The following PDE6D variants were observed in gnomAD, a reference collection of about 807,000 sequenced individuals.
PDE6D encodes retinal rod rhodopsin-sensitive cGMP 3',5'-cyclic phosphodiesterase subunit delta.
A neutral mutation model predicts 21.9 loss-of-function variants in PDE6D; 10 were observed. That is an observed-to-expected ratio of 0.46 (90% CI 0.28 to 0.78). The LOEUF is 0.78. PDE6D is among the 30% of genes least tolerant of loss of function. The pLI is 0.12. For missense variants in PDE6D, 139 were observed against 184.8 expected (o/e 0.75, Z 1.44); for synonymous variants, 59 against 63.5 (o/e 0.93, Z 0.34).
At chr2:231,734,856 A>C (rs1387073031) in intron 4 of PDE6D, among the ~76,000 whole-genome samples, 1 of 127,286 alleles carries the variant, frequency 7.9e-6, no homozygotes, top group Non-Finnish European at 1.7e-5. Flanking sequence ...CAAAAAAAAA[A>C]ACAAAAAAAA....
chr2:231,780,399 G>A (rs2049100548), intron 1 of PDE6D, among the ~76,000 whole-genome samples: 1 of 152,142 alleles, frequency 6.6e-6, no homozygotes, highest in Non-Finnish European at 1.5e-5. Context: ...GGGAAGCAGT[G>A]ACCAATGCCT....
intron 1 of PDE6D, among the ~76,000 whole-genome samples, chr2:231,752,348 T>C (rs1397214626): frequency 6.6e-6 from 1 of 152,254 alleles, no homozygotes; most frequent in African/African-American, 2.4e-5. Flanking sequence ...TGAGATTTAA[T>C]TTGTAAACAA....
rs375363245 is a variant in PDE6D at position 231,778,415 on chromosome 2, A to C, written c.50+2650T>G. 9.8e-5 allele frequency among the ~76,000 whole-genome samples: 15 copies of C among 152,370 alleles called. No individual in the cohort carries two copies. In the East Asian group the frequency reaches 2.7e-3, roughly 27 times the overall value. The stretch of plus-strand genomic sequence containing the variant: ...ATGTAAAGAACATCTACAAATAAGA[A>C]AAATAAACAATAGTAAAATGGGCAA... On this transcript the variant is annotated intron_variant, in intron 1 of 4. Transcript: ENST00000287600.
intron 2 of PDE6D, among the ~76,000 whole-genome samples, chr2:231,738,786 C>T (rs908499973): frequency 2.0e-5 from 3 of 151,848 alleles, no homozygotes; most frequent in Non-Finnish European, 4.4e-5. Context: ...TGTGGTGGCG[C>T]ACGCCTGTAG....
intron 1 of PDE6D, among the ~76,000 whole-genome samples, chr2:231,775,063 C>A (rs1189487038): frequency 6.6e-6 from 1 of 151,880 alleles, no homozygotes; most frequent in African/African-American, 2.4e-5. Context: ...CAGGCGTGTG[C>A]CACCAAGTTT....
chr2:231,742,506 T>A (rs893504027), intron 1 of PDE6D, among the ~76,000 whole-genome samples: 1 of 152,210 alleles, frequency 6.6e-6, no homozygotes, highest in Admixed American at 6.5e-5. Flanking sequence ...AGGTTTTTTT[T>A]GTTTTGTTTT....
chr2:231,774,890 ATC>A (rs2049042526), intron 1 of PDE6D, among the ~76,000 whole-genome samples: 1 of 135,908 alleles, frequency 7.4e-6, no homozygotes, highest in Non-Finnish European at 1.6e-5. Flanking sequence ...TGTGCCTGGC[ATC>A]TTTTTTTTTT....
chr2:231,771,744 G>A (rs1056152707), intron 1 of PDE6D, among the ~76,000 whole-genome samples: 9 of 152,132 alleles, frequency 5.9e-5, no homozygotes, highest in African/African-American at 1.7e-4. Flanking sequence ...GAAACAAAAA[G>A]GAAACAATTG....
In PDE6D at chr2:231,781,273, C is replaced by G; in HGVS notation, c.-159G>C. The G allele has an allele frequency of 3.1e-6, 2 of 638,520 alleles. No individual in the cohort carries two copies. The highest frequency in any genetic ancestry group is 1.9e-5 in the South Asian group (1 of 52,668). The allele number at this position is 638,520 out of a possible 1,614,324, so 39.6% of individuals were successfully genotyped here. A position where few individuals can be genotyped will look rare whatever the true frequency, so the allele number is the denominator to read the frequency against. On this transcript the variant is annotated 5_prime_UTR_variant, in exon 1 of 5. Coordinates refer to ENST00000287600, the MANE Select transcript of PDE6D (RefSeq NM_002601.4). ...CCGGCCTCTCTCTCCCCTCAGCTCC[C>G]GCTTCTGATCCCTTCTCCTTCCCCC...
rs773855519 is a variant in PDE6D, at chr2:231,737,161, T to C, written c.371+26A>G. ...AATGCCTGTTTCTAGACACACTTCA[T>C]AATTTCCTGAGACCTGCTCACTCAC... is the stretch of plus-strand genomic sequence containing the variant. On this transcript the variant is annotated intron_variant, in intron 4 of 4. Coordinates refer to ENST00000287600, the MANE Select transcript of PDE6D (RefSeq NM_002601.4). The C allele has an allele frequency of 7.2e-6, 10 of 1,390,808 alleles. No individual in the cohort carries two copies. In the South Asian group the frequency reaches 1.2e-4, roughly 16 times the overall value. 86.2% of individuals were successfully genotyped at this position (1,390,808 alleles called of 1,614,324 possible). A position where few individuals can be genotyped will look rare whatever the true frequency, so the allele number is the denominator to read the frequency against.
intron 1 of PDE6D, among the ~76,000 whole-genome samples, chr2:231,771,618 T>C (rs1314717462): frequency 1.3e-5 from 2 of 152,222 alleles, no homozygotes; most frequent in Non-Finnish European, 2.9e-5. Flanking sequence ...TATGTTTCAT[T>C]CTCTAAATGT....
At chr2:231,738,429 G>C (rs916582584) in intron 2 of PDE6D, among the ~76,000 whole-genome samples, 12 of 152,136 alleles carry the variant, frequency 7.9e-5, no homozygotes, top group African/African-American at 2.9e-4. Flanking sequence ...ATCAGGAAGG[G>C]GGCTGCATGG....
At chr2:231,736,027 CAAA>C (rs1214326163) in intron 4 of PDE6D, among the ~76,000 whole-genome samples, 1 of 87,402 alleles carries the variant, frequency 1.1e-5, no homozygotes, top group Non-Finnish European at 2.2e-5. Context: ...GACTCTGTCT[CAAA>C]AAAAAAAAAA....
chr2:231,739,328 T>C lies in PDE6D; in HGVS notation c.51-140A>G, dbSNP rs1162369438. The C allele has an allele frequency of 1.3e-6, 1 of 752,416 alleles. No homozygotes were observed. Among genetic ancestry groups the C allele is most frequent in the East Asian group, 2.5e-5 (1 of 40,090 alleles). 46.6% of individuals were successfully genotyped at this position (752,416 alleles called of 1,614,324 possible). A position where few individuals can be genotyped will look rare whatever the true frequency, so the allele number is the denominator to read the frequency against. Reference sequence around the variant, plus strand: ...AACTGCTCATTGCCATGGAAGCACATAAGAATGTGAGGAGAGTCAAAAAGA... The same window carrying C: ...AACTGCTCATTGCCATGGAAGCACACAAGAATGTGAGGAGAGTCAAAAAGA... On this transcript the variant is annotated intron_variant, in intron 1 of 4. Transcript: ENST00000287600. The surrounding 1 kb of genome is among the most constrained non-coding windows in gnomAD (Gnocchi z 4.2).
At chr2:231,769,067 T>A (rs1393205616) in intron 1 of PDE6D, among the ~76,000 whole-genome samples, 3 of 151,828 alleles carry the variant, frequency 2.0e-5, no homozygotes, top group Non-Finnish European at 4.4e-5. Context: ...CGGGGTTTCA[T>A]CATACTGGTC....
At position 231,766,993 on chromosome 2, in the gene PDE6D, C is replaced by CAAAAA. The variant is rs3038045; in HGVS notation, c.50+14067_50+14071dup. On this transcript the variant is annotated intron_variant, in intron 1 of 4. Coordinates refer to ENST00000287600, the MANE Select transcript of PDE6D (RefSeq NM_002601.4). ...TGGGTGACAGAGCGAGACTCCGTCTCAAAAAAAAAAAAAAAAAAAAAAAAA... is the reference window on the plus strand; with the variant it reads ...TGGGTGACAGAGCGAGACTCCGTCTCAAAAAAAAAAAAAAAAAAAAAAAAAAAAAA... 4.6e-3 allele frequency among the ~76,000 whole-genome samples: 168 copies of CAAAAA among 36,594 alleles called. 4 individuals are homozygous for CAAAAA. Among genetic ancestry groups the CAAAAA allele is most frequent in the Non-Finnish European group, 6.0e-3 (119 of 19,786 alleles). 24.0% of individuals were successfully genotyped at this position (36,594 alleles called of 152,430 possible).
At chr2:231,780,728 C>T (rs1439096116) in intron 1 of PDE6D, among the ~76,000 whole-genome samples, 1 of 152,150 alleles carries the variant, frequency 6.6e-6, no homozygotes, top group African/African-American at 2.4e-5. Context: ...CCCATCCCGG[C>T]CTCTGGGTCC....
intron 1 of PDE6D, among the ~76,000 whole-genome samples, chr2:231,752,249 A>C (rs1201938967): frequency 6.6e-6 from 1 of 152,226 alleles, no homozygotes; most frequent in Non-Finnish European, 1.5e-5. Context: ...AGAGGGGAAA[A>C]TACAGTTGGT....
intron 1 of PDE6D, among the ~76,000 whole-genome samples, chr2:231,758,484 T>C (rs980193919): frequency 3.9e-5 from 6 of 152,172 alleles, no homozygotes; most frequent in African/African-American, 1.2e-4. Context: ...GGGCAAATTA[T>C]AAGAATCATG....
Sources: gnomAD v4.1 joint callset for allele counts (sites outside exome capture counted in the v4.1 genomes callset) on GRCh38, gnomAD v4.1.1 for gene constraint, Gnocchi (gnomAD v3.1) non-coding constraint, MANE v1.5 for transcripts, NCBI Gene and HGNC (gene_info 2026-07-23, HGNC 2026-07-21) for gene names.